Variants in PLXND1 observed in about 807,000 individuals in gnomAD.
PLXND1 encodes the protein plexin D1, also known as plexin-D1.
A neutral mutation model predicts 197.7 loss-of-function variants in PLXND1; 54 were observed. The observed-to-expected ratio is 0.27, with a 90% CI of 0.22 to 0.34. The LOEUF is 0.34. Ranked by LOEUF, PLXND1 falls within the 10% of genes least tolerant of loss-of-function variation. The probability of loss-of-function intolerance (pLI) is 1.00; values close to 1 mark genes in which losing one functional copy is unlikely to be tolerated. For missense variants in PLXND1, 2,127 were observed against 2,699.2 expected, an observed-to-expected ratio of 0.79 and a Z score of 4.70; for synonymous variants, 1,180 against 1,161.2, an observed-to-expected ratio of 1.02 and a Z score of -0.33.
rs144533237 is a variant in PLXND1, at chr3:129,558,149, C to T, written c.5445+279G>A. Among the ~76,000 whole-genome samples, 159 of 152,314 alleles carry T rather than the reference C, an allele frequency of 1.0e-3. No homozygotes were observed. The East Asian group carries it at 0.013, about 12-fold the overall frequency. On this transcript the variant is annotated intron_variant, in intron 33 of 35. Coordinates refer to ENST00000324093, the MANE Select transcript of PLXND1 (RefSeq NM_015103.3). The surrounding 1 kb of genome is among the most constrained non-coding windows in gnomAD (Gnocchi z 4.1). Reference sequence around the variant, plus strand: ...CAAGCTCATACTGGCTTTCCCACACCGGGTTCTCAGGCCTGTGTTCAAAGC... The same window carrying T: ...CAAGCTCATACTGGCTTTCCCACACTGGGTTCTCAGGCCTGTGTTCAAAGC...
chr3:129,573,497 C>T, intron 13 of PLXND1, 97 bp downstream of exon 13: 1 of 1,231,420 alleles, frequency 8.1e-7, no homozygotes, highest in Non-Finnish European at 1.1e-6. Flanking sequence ...CAGAAAGCAG[C>T]AGAGTGAGGA....
In PLXND1 at chr3:129,562,835, T is replaced by C; in HGVS notation, c.4777A>G (p.Lys1593Glu). Residue 1593 changes from lysine (K) to glutamate (E), a missense_variant, in exon 27 of 36, where the codon AAG becomes GAG. By Grantham distance (56) the Lys-to-Glu change is moderately conservative. This residue lies in a region of PLXND1 where 532 missense variants were observed against 811.0 expected (regional missense o/e 0.66). Transcript: ENST00000324093. ...VKEKILEAFC[K>E]NVPYSQWPRA... ...GGCCACTGGGAGTAGGGCACATTCT[T>C]GCAGAAGGCCTCCAGGATCTTCTCC... 6.2e-7 allele frequency: 1 copy of C among 1,611,658 alleles called. No individual in the cohort carries two copies. The highest frequency in any genetic ancestry group is 8.5e-7 in the Non-Finnish European group (1 of 1,177,956).
Position 129,560,677 on chromosome 3 carries a change from T to C in PLXND1, c.5028+12A>G, listed in dbSNP as rs370986263. 4.4e-6 allele frequency: 7 copies of C among 1,598,834 alleles called. No individual in the cohort carries two copies. The highest frequency in any genetic ancestry group is 6.0e-6 in the Non-Finnish European group (7 of 1,166,332). ...GGGGCTGGATCCCCCGGGGCCGAGGTTGGGCACTCACCAAATGGAAATACT... is the reference window on the plus strand; with the variant it reads ...GGGGCTGGATCCCCCGGGGCCGAGGCTGGGCACTCACCAAATGGAAATACT... On this transcript the variant is annotated intron_variant, in intron 30 of 35. Transcript: ENST00000324093.
At chr3:129,566,061 T>G in intron 23 of PLXND1, 44 bp from the exon 24 acceptor site, 1 of 1,609,034 alleles carries the variant, frequency 6.2e-7, no homozygotes, top group Non-Finnish European at 8.5e-7. Context: ...GGGCCCAGTG[T>G]CCCTGCCTAG....
At chr3:129,580,659 G>T (rs1024051320) in intron 8 of PLXND1, among the ~76,000 whole-genome samples, 2 of 152,048 alleles carry the variant, frequency 1.3e-5, no homozygotes, top group Non-Finnish European at 2.9e-5. Flanking sequence ...CTTGTAACCT[G>T]TGGCCAGGTG....
At chr3:129,600,755 C>T (rs1416161090) in intron 1 of PLXND1, among the ~76,000 whole-genome samples, 1 of 151,832 alleles carries the variant, frequency 6.6e-6, no homozygotes, top group Non-Finnish European at 1.5e-5. Flanking sequence ...GCCCCCAGCC[C>T]AAACCCAAAT....
Position 129,560,766 on chromosome 3 carries a change from G to T in PLXND1, c.4994-43C>A. 5.8e-6 allele frequency: 6 copies of T among 1,031,868 alleles called. No individual in the cohort carries two copies. The Admixed American group carries it at 7.0e-5, about 12-fold the overall frequency. 63.9% of individuals were successfully genotyped at this position (1,031,868 alleles called of 1,614,324 possible). A position where few individuals can be genotyped will look rare whatever the true frequency, so the allele number is the denominator to read the frequency against. On this transcript the variant is annotated intron_variant, in intron 29 of 35. Transcript: ENST00000324093. ...CAATAAATAAACACGGGAGAGGAGA[G>T]GAGAGAAACAGAAATGAAGACAGAA...
intron 25 of PLXND1, 80 bp downstream of exon 25, chr3:129,565,260 C>T: frequency 8.0e-7 from 1 of 1,248,508 alleles, no homozygotes; most frequent in Non-Finnish European, 1.2e-6. Context: ...CAGGGAAGGC[C>T]TGGGAGGCCG....
In PLXND1 at chr3:129,577,952, C is replaced by T. The variant is rs899545929; in HGVS notation, c.2346+377G>A. ...GAAGCCACCCACGGGGCAGTGGGCT[C>T]GGCGGTGGGTGGGTGTGTCCAGGGT... On this transcript the variant is annotated intron_variant, in intron 9 of 35. Coordinates refer to ENST00000324093, the MANE Select transcript of PLXND1 (RefSeq NM_015103.3). This position sits in a 1 kb window ranked among gnomAD's most constrained non-coding sequence, Gnocchi z 5.0. Among the ~76,000 whole-genome samples, 2 of 152,200 alleles carry T rather than the reference C, an allele frequency of 1.3e-5. No homozygotes were observed. The highest frequency in any genetic ancestry group is 2.4e-5 in the African/African-American group (1 of 41,466).
chr3:129,578,764 CCT>C (rs1188145398), intron 8 of PLXND1, among the ~76,000 whole-genome samples: 1 of 152,212 alleles, frequency 6.6e-6, no homozygotes, highest in African/African-American at 2.4e-5. Context: ...CCAGCTCCTC[CCT>C]GTCTCTGGGC....
chr3:129,586,198 G>A lies in PLXND1; in HGVS notation c.1695C>T (p.Tyr565=). Residue 565 remains tyrosine (Y), a synonymous_variant, in exon 4 of 36, where the codon TAC becomes TAT. Coordinates refer to ENST00000324093, the MANE Select transcript of PLXND1 (RefSeq NM_015103.3). ...GCGTCTCCAGGGCACACCAGCCGCAGTAGGCGTCCGCCGCACCCACGCAGT... is the reference window on the plus strand; with the variant it reads ...GCGTCTCCAGGGCACACCAGCCGCAATAGGCGTCCGCCGCACCCACGCAGT... ...CGDCVGAADA[Y]CGWCALETRC... is the part of the protein sequence containing the mutation. The A allele has an allele frequency of 6.2e-7, 1 of 1,604,950 alleles. No individual in the cohort carries two copies. The highest frequency in any genetic ancestry group is 2.2e-5 in the East Asian group (1 of 44,628).
At chr3:129,578,651 A>C in intron 8 of PLXND1, 1 of 545,564 alleles carries the variant, frequency 1.8e-6, no homozygotes, top group East Asian at 3.2e-5. Context: ...AAAGATGAGG[A>C]AGGTGGGCAC....
intron 9 of PLXND1, 113 bp from the exon 10 acceptor site, chr3:129,575,968 G>C: frequency 1.4e-6 from 1 of 699,098 alleles, no homozygotes; most frequent in Non-Finnish European, 2.6e-6. Context: ...GGGCTTGGTC[G>C]AACTGTCAGG....
intron 1 of PLXND1, among the ~76,000 whole-genome samples, chr3:129,592,290 G>A (rs1034101443): frequency 6.6e-6 from 1 of 152,206 alleles, no homozygotes; most frequent in Non-Finnish European, 1.5e-5. Flanking sequence ...GAAGAGGTGA[G>A]GTGGGATCCT....
In PLXND1 at chr3:129,571,826, G is replaced by A; in HGVS notation, c.3096C>T (p.Ile1032=). The change falls in exon 16 of 36, where the codon ATC becomes ATT. Residue 1032 remains isoleucine (I), a synonymous_variant. Transcript: ENST00000324093. ...GGGCCCCCTCAGGCATGGTGCAGGCGATGCTGGTATCTGTGCGCCTGGGGG... is the reference window on the plus strand; with the variant it reads ...GGGCCCCCTCAGGCATGGTGCAGGCAATGCTGGTATCTGTGCGCCTGGGGG... ...CTELMRTDTS[I]ACTMPEGALP... 3.7e-6 allele frequency: 6 copies of A among 1,612,570 alleles called. No homozygotes were observed. The East Asian group carries it at 6.7e-5, about 18-fold the overall frequency.
chr3:129,566,224 G>A, intron 23 of PLXND1: 1 of 610,276 alleles, frequency 1.6e-6, no homozygotes, highest in Non-Finnish European at 2.9e-6. Context: ...AGGGTGCCTG[G>A]AGGTAACCTG....
In PLXND1 at chr3:129,584,229, G is replaced by A. The variant is rs2285371; in HGVS notation, c.2034C>T (p.His678=). The A allele has an allele frequency of 0.039, 62,369 of 1,597,950 alleles. 1,861 individuals are homozygous for A. The highest frequency in any genetic ancestry group is 0.12 in the East Asian group (5,324 of 44,352). The change falls in exon 7 of 36, where the codon CAC becomes CAT. Residue 678 remains histidine, a synonymous_variant. Transcript: ENST00000324093. ...CCCTCACAGACATCTCAACAGTCACGTGGTCTGGAATGGATGGGGGAGCCA... is the reference window on the plus strand; with the variant it reads ...CCCTCACAGACATCTCAACAGTCACATGGTCTGGAATGGATGGGGGAGCCA... The part of the protein sequence containing the change: ...QFPPFPPNQD[H]VTVEMSVRVN...
chr3:129,606,197 C>T lies in PLXND1; in HGVS notation c.443G>A (p.Cys148Tyr), dbSNP rs1209479681. 1 of 1,567,222 alleles carries T rather than the reference C, an allele frequency of 6.4e-7. No homozygotes were observed. Among genetic ancestry groups the T allele is most frequent in the Admixed American group, 1.8e-5 (1 of 55,408 alleles). Residue 148 changes from cysteine (C) to tyrosine (Y), a missense_variant, in exon 1 of 36, where the codon TGC (cysteine) becomes TAC (tyrosine). By Grantham distance (194) the Cys-to-Tyr change is radical. Around this residue, in one of 6 missense-constraint regions of PLXND1, gnomAD observed 245 missense variants for 267.1 expected, o/e 0.92. Transcript: ENST00000324093. Reference sequence around the variant, plus strand: ...GATGTTGCCCCGGCGCCGCAGCTGGCAGAAGCCCTGGTAGATGGACCCGCA... The same window carrying T: ...GATGTTGCCCCGGCGCCGCAGCTGGTAGAAGCCCTGGTAGATGGACCCGCA... ...VVCGSIYQGF[C>Y]QLRRRGNISA...
rs145714408 is a variant in PLXND1 at position 129,571,753 on chromosome 3, C to G, written c.3169G>C (p.Val1057Leu). ...TACCAGAAGGTGAGGTTGCCGTGCA[C>G]GCAGCCCCGACGCTCGAAGCGCACA... Reference protein sequence around the residue: ...VCVRFERRGCVHGNLTFWYMQ... With the variant: ...VCVRFERRGCLHGNLTFWYMQ... Residue 1057 changes from valine (V) to leucine (L), a missense_variant, in exon 16 of 36, where the codon GTG becomes CTG. Val to Leu is a conservative substitution (Grantham distance 32, BLOSUM62 1). Around this residue, in one of 6 missense-constraint regions of PLXND1, gnomAD observed 1,095 missense variants for 1,259.8 expected, o/e 0.87. Coordinates refer to ENST00000324093, the MANE Select transcript of PLXND1 (RefSeq NM_015103.3). 1 of 1,613,372 alleles carries G rather than the reference C, an allele frequency of 6.2e-7. No individual in the cohort carries two copies. The highest frequency in any genetic ancestry group is 1.7e-5 in the Admixed American group (1 of 60,016).
Sources: gnomAD v4.1 joint callset for allele counts (sites outside exome capture counted in the v4.1 genomes callset) on GRCh38, gnomAD v4.1.1 for gene constraint, gnomAD v4.1.1 regional missense constraint, Gnocchi (gnomAD v3.1) non-coding constraint, MANE v1.5 for transcripts, NCBI Gene and HGNC (gene_info 2026-07-23, HGNC 2026-07-21) for gene names.